Variants in TMEM132C observed in about 807,000 individuals in gnomAD.
TMEM132C encodes protein phosphatase 1, regulatory subunit 152.
Under a neutral mutation model 61.4 loss-of-function variants are expected in TMEM132C, and 29 were observed. The ratio of observed to expected loss-of-function variants is 0.47; its 90% confidence interval spans 0.35 to 0.64. The LOEUF (loss-of-function observed/expected upper bound fraction) is 0.64. Among genes scored for constraint, TMEM132C ranks in the 30% least tolerant of loss-of-function variants. The pLI, the probability that TMEM132C is intolerant of heterozygous loss-of-function variation, is 0.00. For synonymous variants in TMEM132C, 656 were observed against 633.1 expected, an observed-to-expected ratio of 1.04 and a Z score of -0.54; for missense variants, 1,408 against 1,476.9, an observed-to-expected ratio of 0.95 and a Z score of 0.76.
At chr12:128,629,571 G>C (rs560768481) in intron 4 of TMEM132C, among the ~76,000 whole-genome samples, 55 of 152,328 alleles carry the variant, frequency 3.6e-4, no homozygotes, top group African/African-American at 1.2e-3. Flanking sequence ...TGCGGTTGGG[G>C]AAGGGGAGAT....
intron 1 of TMEM132C, among the ~76,000 whole-genome samples, chr12:128,284,725 CTTAAG>C (rs1871005390): frequency 6.6e-6 from 1 of 152,016 alleles, no homozygotes; most frequent in Non-Finnish European, 1.5e-5. Flanking sequence ...AAGTCAGTGG[CTTAAG>C]TTAATTGGAA....
intron 2 of TMEM132C, among the ~76,000 whole-genome samples, chr12:128,536,596 GTT>G (rs1359703743): frequency 6.6e-6 from 1 of 152,056 alleles, no homozygotes; most frequent in East Asian, 1.9e-4. Flanking sequence ...GGACTCCTAA[GTT>G]TGGCAGGTGA....
chr12:128,387,510 T>C (rs930972131), intron 1 of TMEM132C, among the ~76,000 whole-genome samples: 6 of 152,150 alleles, frequency 3.9e-5, no homozygotes, highest in African/African-American at 1.4e-4. Context: ...CTCAATTCAT[T>C]ATGATGAAAA....
In TMEM132C at chr12:128,368,774, A is replaced by G. The variant is rs529129088; in HGVS notation, c.86-45958A>G. On this transcript the variant is annotated intron_variant, in intron 1 of 8. Transcript: ENST00000435159. ...TTATGTTTTTTATCTCACATCCAAGACAAGCACTGCCAGCCCATTCCACAA... is the reference window on the plus strand; with the variant it reads ...TTATGTTTTTTATCTCACATCCAAGGCAAGCACTGCCAGCCCATTCCACAA... Among the ~76,000 whole-genome samples the G allele has an allele frequency of 7.2e-5, 11 of 152,274 alleles. No individual in the cohort carries two copies. The East Asian group carries it at 1.2e-3, about 16-fold the overall frequency.
At chr12:128,638,833 GTGATGA>G (rs555970616) in intron 4 of TMEM132C, among the ~76,000 whole-genome samples, 6 of 151,330 alleles carry the variant, frequency 4.0e-5, no homozygotes, top group Non-Finnish European at 7.4e-5. Context: ...AATGATGGTA[GTGATGA>G]TGATGATGAT....
At chr12:128,345,571 G>A (rs1393325274) in intron 1 of TMEM132C, among the ~76,000 whole-genome samples, 4 of 152,190 alleles carry the variant, frequency 2.6e-5, no homozygotes, top group African/African-American at 4.8e-5. Context: ...TCTCGCCTCC[G>A]TCTGTTATTT....
intron 4 of TMEM132C, among the ~76,000 whole-genome samples, chr12:128,627,103 TCCTTGCCCA>T (rs979933259): frequency 2.0e-5 from 3 of 152,196 alleles, no homozygotes; most frequent in Non-Finnish European, 4.4e-5. Context: ...CATTAAGGAC[TCCTTGCCCA>T]CCTCATCCCT....
At chr12:128,454,029 C>A (rs1870265531) in intron 2 of TMEM132C, among the ~76,000 whole-genome samples, 1 of 152,116 alleles carries the variant, frequency 6.6e-6, no homozygotes, top group African/African-American at 2.4e-5. Context: ...GCGAAGGGGG[C>A]CCTTTTGATT....
intron 2 of TMEM132C, among the ~76,000 whole-genome samples, chr12:128,447,256 C>A (rs1052911070): frequency 2.6e-5 from 4 of 152,184 alleles, no homozygotes; most frequent in Non-Finnish European, 5.9e-5. Flanking sequence ...TGGCCACACA[C>A]CATCCTTTGG....
At chr12:128,390,498 C>G (rs1874731178) in intron 1 of TMEM132C, among the ~76,000 whole-genome samples, 1 of 152,138 alleles carries the variant, frequency 6.6e-6, no homozygotes, top group Non-Finnish European at 1.5e-5. Context: ...CTCTAAGAAC[C>G]CCAGGTTACA....
At chr12:128,497,330 T>C (rs961097208) in intron 2 of TMEM132C, among the ~76,000 whole-genome samples, 6 of 152,202 alleles carry the variant, frequency 3.9e-5, no homozygotes, top group Non-Finnish European at 8.8e-5. Context: ...AAACTCCATG[T>C]TGGGAGAACC....
chr12:128,460,854 G>C lies in TMEM132C; in HGVS notation c.974+45234G>C, dbSNP rs991859209. ...CTTTTCCCAGCTCAGCAGCTGGGTG[G>C]GGGGAATGCTTGATAGAGACCTTAC... On this transcript the variant is annotated intron_variant, in intron 2 of 8. Transcript: ENST00000435159. Among the ~76,000 whole-genome samples, 5 of 152,186 alleles carry C rather than the reference G, an allele frequency of 3.3e-5. No homozygotes were observed. In the East Asian group the frequency reaches 9.7e-4, roughly 30 times the overall value.
In TMEM132C at chr12:128,415,833, C is replaced by T. The variant is rs1160452662; in HGVS notation, c.974+213C>T. On this transcript the variant is annotated intron_variant, in intron 2 of 8. Transcript: ENST00000435159. This position sits in a 1 kb window ranked among gnomAD's most constrained non-coding sequence, Gnocchi z 5.8. ...TATGGAGGGAAGAAGAGGCAAAGGG[C>T]GGGCAGAAATTATTTCCAAAAGGAG... Among the ~76,000 whole-genome samples the T allele has an allele frequency of 1.3e-5, 2 of 152,134 alleles. No homozygotes were observed. The highest frequency in any genetic ancestry group is 2.4e-5 in the African/African-American group (1 of 41,438).
At position 128,415,268 on chromosome 12, in the gene TMEM132C, C is replaced by T; in HGVS notation, c.622C>T (p.Pro208Ser). 6.2e-7 allele frequency: 1 copy of T among 1,601,484 alleles called. No homozygotes were observed. The highest frequency in any genetic ancestry group is 1.1e-5 in the South Asian group (1 of 89,176). ...LELLSSWFSA[P>S]TVGAGRKKSM... is the part of the protein sequence containing the mutation. ...GCTCCTGTCCAGCTGGTTCAGTGCC[C>T]CGACGGTGGGTGCCGGGAGGAAGAA... Residue 208 changes from proline (P) to serine (S), a missense_variant, in exon 2 of 9, where the codon CCG (proline) becomes TCG (serine). Transcript: ENST00000435159. The surrounding 1 kb of genome is among the most constrained non-coding windows in gnomAD (Gnocchi z 5.8).
chr12:128,540,004 T>C (rs1873678696), intron 2 of TMEM132C, among the ~76,000 whole-genome samples: 3 of 152,210 alleles, frequency 2.0e-5, no homozygotes, highest in Admixed American at 1.3e-4. Context: ...TATTGACATA[T>C]TGAACCTCAA....
chr12:128,314,513 T>C (rs1872082617), intron 1 of TMEM132C, among the ~76,000 whole-genome samples: 1 of 152,152 alleles, frequency 6.6e-6, no homozygotes, highest in Admixed American at 6.5e-5. Context: ...CAAATTCACA[T>C]CCACCCAGAA....
At chr12:128,538,746 A>G (rs554064079) in intron 2 of TMEM132C, among the ~76,000 whole-genome samples, 53 of 152,304 alleles carry the variant, frequency 3.5e-4, no homozygotes, top group African/African-American at 1.2e-3. Context: ...GGCAATATCT[A>G]TAAATTTCCC....
chr12:128,697,161 T>C, intron 7 of TMEM132C, 63 bp from the exon 8 acceptor site: 4 of 1,400,008 alleles, frequency 2.9e-6, no homozygotes, highest in Non-Finnish European at 1.9e-6. Context: ...ATATTACTGG[T>C]AAAGGGGATA....
intron 5 of TMEM132C, among the ~76,000 whole-genome samples, chr12:128,675,392 C>T (rs1265729271): frequency 6.6e-6 from 1 of 152,194 alleles, no homozygotes; most frequent in East Asian, 1.9e-4. Flanking sequence ...GGTCACGCAA[C>T]TTGTACATGG....
Sources: gnomAD v4.1 joint callset for allele counts (sites outside exome capture counted in the v4.1 genomes callset) on GRCh38, gnomAD v4.1.1 for gene constraint, Gnocchi (gnomAD v3.1) non-coding constraint, MANE v1.5 for transcripts, NCBI Gene and HGNC (gene_info 2026-07-23, HGNC 2026-07-21) for gene names.